The following CMIP variants were observed in gnomAD, a reference collection of about 807,000 sequenced individuals.
The protein encoded by CMIP is c-Maf inducing protein.
A neutral mutation model predicts 97.3 loss-of-function variants in CMIP; 13 were observed. The observed-to-expected ratio is 0.13, with a 90% CI of 0.09 to 0.21. CMIP has a LOEUF of 0.21. Among genes scored for constraint, CMIP ranks in the 10% least tolerant of loss-of-function variants. The probability of loss-of-function intolerance (pLI) is 1.00; values close to 1 mark genes in which losing one functional copy is unlikely to be tolerated. For missense variants in CMIP, 847 were observed against 1,024.9 expected (o/e 0.83, Z 2.37); for synonymous variants, 538 against 436.3 (o/e 1.23, Z -2.91).
chr16:81,708,959 G>C (rs1908457828), intron 20 of CMIP, among the ~76,000 whole-genome samples: 1 of 152,202 alleles, frequency 6.6e-6, no homozygotes, highest in South Asian at 2.1e-4. Flanking sequence ...CAGTGTACAG[G>C]AAAGTTGGGA....
In CMIP at chr16:81,505,633, T is replaced by C. The variant is rs532876003; in HGVS notation, c.300+60092T>C. ...CTCTGCACAGAAACTTTGGCCAAGA[T>C]CATTTCCCTCTTGTAAGCTGGGTCT... On this transcript the variant is annotated intron_variant, in intron 1 of 20. Transcript: ENST00000537098. 8.5e-5 allele frequency among the ~76,000 whole-genome samples: 13 copies of C among 152,352 alleles called. No homozygotes were observed. In the South Asian group the frequency reaches 2.5e-3, roughly 29 times the overall value.
chr16:81,675,061 G>A lies in CMIP; in HGVS notation c.1034+2991G>A, dbSNP rs371230101. Among the ~76,000 whole-genome samples, 21 of 152,340 alleles carry A rather than the reference G, an allele frequency of 1.4e-4. No homozygotes were observed. In the South Asian group the frequency reaches 4.4e-3, roughly 32 times the overall value. On this transcript the variant is annotated intron_variant, in intron 9 of 20. Coordinates refer to ENST00000537098, the MANE Select transcript of CMIP (RefSeq NM_198390.3). ...GCCCTGGCATCTGTTTTTGGAAGGA[G>A]CGTTGGGGAGGTGATATTTACGTTA...
At position 81,709,881 on chromosome 16, in the gene CMIP, G is replaced by T; in HGVS notation, c.*82G>T. 2 of 1,460,120 alleles carry T rather than the reference G, an allele frequency of 1.4e-6. No homozygotes were observed. The highest frequency in any genetic ancestry group is 5.2e-5 in the East Asian group (2 of 38,590). 90.4% of individuals were successfully genotyped at this position (1,460,120 alleles called of 1,614,324 possible). ...AACAGCCGCAGAGCAGCCGGTCCTG[G>T]GGTCCCACCCTGGTGCCCTGGCTGT... On this transcript the variant is annotated 3_prime_UTR_variant, in exon 21 of 21. Coordinates refer to ENST00000537098, the MANE Select transcript of CMIP (RefSeq NM_198390.3).
rs1016991105 is a variant in CMIP at position 81,652,135 on chromosome 16, A to T, written c.478-68A>T. 7.6e-7 allele frequency: 1 copy of T among 1,318,096 alleles called. No individual in the cohort carries two copies. The highest frequency in any genetic ancestry group is 1.1e-6 in the Non-Finnish European group (1 of 925,320). The allele number at this position is 1,318,096 out of a possible 1,614,324, so 81.7% of individuals were successfully genotyped here. On this transcript the variant is annotated intron_variant, in intron 3 of 20. Coordinates refer to ENST00000537098, the MANE Select transcript of CMIP (RefSeq NM_198390.3). This position sits in a 1 kb window ranked among gnomAD's most constrained non-coding sequence, Gnocchi z 5.2. ...ACACCCTAACCCATCTGATTCTTTG[A>T]TTGTCTTCCATCTTCTGCCTTCCTT...
At chr16:81,617,496 G>A (rs972369444) in intron 2 of CMIP, 1 of 152,350 alleles carries the variant, frequency 6.6e-6, no homozygotes, top group African/African-American at 2.4e-5. Flanking sequence ...GAGGAGGGCT[G>A]GAAGGCCCCC....
intron 1 of CMIP, among the ~76,000 whole-genome samples, chr16:81,471,418 A>G (rs1907540163): frequency 6.6e-6 from 1 of 152,010 alleles, no homozygotes; most frequent in African/African-American, 2.4e-5. Context: ...ATACACACAT[A>G]CATGTACATG....
At chr16:81,634,430 C>G (rs2092207935) in intron 3 of CMIP, among the ~76,000 whole-genome samples, 2 of 152,298 alleles carry the variant, frequency 1.3e-5, no homozygotes, top group South Asian at 4.1e-4. Context: ...TACTGGGTTT[C>G]TCATAGCCTG....
chr16:81,529,032 A>G (rs2090183561), intron 1 of CMIP, among the ~76,000 whole-genome samples: 1 of 151,740 alleles, frequency 6.6e-6, no homozygotes, highest in African/African-American at 2.4e-5. Flanking sequence ...GGCTTTACCC[A>G]TTGTAAATCA....
chr16:81,526,968 A>G (rs2090144793), intron 1 of CMIP, among the ~76,000 whole-genome samples: 2 of 152,236 alleles, frequency 1.3e-5, no homozygotes, highest in African/African-American at 2.4e-5. Context: ...GTTTGTTTGG[A>G]TTCCCAGGAG....
At chr16:81,639,094 AG>A (rs1366632156) in intron 3 of CMIP, among the ~76,000 whole-genome samples, 6 of 152,144 alleles carry the variant, frequency 3.9e-5, no homozygotes, top group Non-Finnish European at 8.8e-5. Flanking sequence ...GCTCAGGACC[AG>A]GGGGTGACCC....
intron 1 of CMIP, among the ~76,000 whole-genome samples, chr16:81,575,801 T>C (rs930222413): frequency 6.6e-6 from 1 of 152,138 alleles, no homozygotes; most frequent in Non-Finnish European, 1.5e-5. Flanking sequence ...TGATGATGTG[T>C]GTGAGTAGGG....
chr16:81,683,924 C>A (rs1173454074), intron 10 of CMIP, among the ~76,000 whole-genome samples: 5 of 151,102 alleles, frequency 3.3e-5, no homozygotes, highest in Non-Finnish European at 7.4e-5. Context: ...CCTAGCCCGG[C>A]TAATTTTTGT....
chr16:81,486,830 A>C (rs144947042), intron 1 of CMIP, among the ~76,000 whole-genome samples: 11 of 152,380 alleles, frequency 7.2e-5, no homozygotes, highest in Non-Finnish European at 1.5e-4. Flanking sequence ...AAATGAAGTA[A>C]ATGAGTGAGT....
At chr16:81,559,840 G>C (rs2090841998) in intron 1 of CMIP, among the ~76,000 whole-genome samples, 1 of 152,160 alleles carries the variant, frequency 6.6e-6, no homozygotes, top group South Asian at 2.1e-4. Context: ...AGTCTTTCAA[G>C]AGGTATACAG....
At chr16:81,626,776 A>AGG (rs1491161032) in intron 3 of CMIP, among the ~76,000 whole-genome samples, 10 of 90,224 alleles carry the variant, frequency 1.1e-4, no homozygotes, top group Non-Finnish European at 2.2e-4. Context: ...GTGGAGTGAC[A>AGG]GAGAGAGAGA....
At chr16:81,508,827 A>G (rs2089758687) in intron 1 of CMIP, among the ~76,000 whole-genome samples, 1 of 152,212 alleles carries the variant, frequency 6.6e-6, no homozygotes, top group Admixed American at 6.5e-5. Flanking sequence ...GGGGATCCTC[A>G]TGGTGTCTCA....
chr16:81,546,447 G>A (rs1019620650), intron 1 of CMIP, among the ~76,000 whole-genome samples: 8 of 152,190 alleles, frequency 5.3e-5, no homozygotes, highest in African/African-American at 1.9e-4. Context: ...TCCTTTTCAT[G>A]ACAGTTTTCC....
intron 1 of CMIP, among the ~76,000 whole-genome samples, chr16:81,491,505 T>G (rs770919680): frequency 3.9e-5 from 6 of 152,190 alleles, no homozygotes; most frequent in Non-Finnish European, 8.8e-5. Context: ...TTCCTTTATT[T>G]AATTGCAAAA....
intron 1 of CMIP, among the ~76,000 whole-genome samples, chr16:81,500,495 C>CT (rs540360121): frequency 1.6e-3 from 179 of 110,070 alleles, no homozygotes; most frequent in East Asian, 0.014. Context: ...TTCTTTCTTT[C>CT]TTTTTTTTTT....
Sources: allele counts gnomAD v4.1 joint callset (sites outside exome capture counted in the v4.1 genomes callset), GRCh38; gene constraint gnomAD v4.1.1; non-coding constraint Gnocchi (gnomAD v3.1); transcripts MANE v1.5; gene names NCBI Gene and HGNC (gene_info 2026-07-23, HGNC 2026-07-21).